The following UNC5D variants were observed in gnomAD, a reference collection of about 807,000 sequenced individuals.
UNC5D encodes the protein unc-5 netrin receptor D.
A neutral mutation model predicts 105.4 loss-of-function variants in UNC5D; 39 were observed. The ratio of observed to expected loss-of-function variants is 0.37; its 90% confidence interval spans 0.29 to 0.48. UNC5D has a LOEUF of 0.48. Ranked by LOEUF, UNC5D falls within the 20% of genes least tolerant of loss-of-function variation. The pLI, the probability that UNC5D is intolerant of heterozygous loss-of-function variation, is 0.98. For synonymous variants in UNC5D, 452 were observed against 450.4 expected, an observed-to-expected ratio of 1.00 and a Z score of -0.04; for missense variants, 991 against 1,202.4, an observed-to-expected ratio of 0.82 and a Z score of 2.60.
At chr8:35,577,639 G>A (rs896471468) in intron 3 of UNC5D, among the ~76,000 whole-genome samples, 4 of 152,208 alleles carry the variant, frequency 2.6e-5, no homozygotes, top group African/African-American at 7.2e-5. Context: ...AAAGACATCT[G>A]TGAAATATGA....
chr8:35,311,380 G>A (rs1808871894), intron 1 of UNC5D, among the ~76,000 whole-genome samples: 1 of 152,154 alleles, frequency 6.6e-6, no homozygotes, highest in African/African-American at 2.4e-5. Flanking sequence ...GTAGTCAAAA[G>A]TTCAGGCTCA....
intron 1 of UNC5D, among the ~76,000 whole-genome samples, chr8:35,297,329 C>T (rs1344149969): frequency 6.6e-6 from 1 of 152,146 alleles, no homozygotes. Context: ...AAAAGCCTTT[C>T]CTATTTTTTC....
At chr8:35,771,860 T>C (rs1802025666) in intron 15 of UNC5D, among the ~76,000 whole-genome samples, 1 of 152,192 alleles carries the variant, frequency 6.6e-6, no homozygotes, top group African/African-American at 2.4e-5. Context: ...GTTTCACCTC[T>C]GTCACAAACT....
intron 1 of UNC5D, among the ~76,000 whole-genome samples, chr8:35,529,952 C>T (rs1484658802): frequency 1.3e-5 from 2 of 151,060 alleles, no homozygotes; most frequent in Non-Finnish European, 3.0e-5. Context: ...TGGGCTGAGA[C>T]AATGGGGTTT....
At chr8:35,348,304 A>G (rs922027379) in intron 1 of UNC5D, among the ~76,000 whole-genome samples, 2 of 151,942 alleles carry the variant, frequency 1.3e-5, no homozygotes, top group Non-Finnish European at 2.9e-5. Context: ...ACAAGTTATG[A>G]ATGCAAGACA....
chr8:35,250,378 A>G (rs1462691327), intron 1 of UNC5D, among the ~76,000 whole-genome samples: 9 of 152,238 alleles, frequency 5.9e-5, no homozygotes, highest in African/African-American at 2.2e-4. Context: ...ATTTCAACTT[A>G]TATTTTAGAT....
At chr8:35,325,922 C>CA (rs1273830666) in intron 1 of UNC5D, among the ~76,000 whole-genome samples, 3 of 152,140 alleles carry the variant, frequency 2.0e-5, no homozygotes, top group African/African-American at 7.2e-5. Flanking sequence ...GGGTATTATG[C>CA]ACAAGTTTAC....
intron 1 of UNC5D, among the ~76,000 whole-genome samples, chr8:35,467,392 G>C (rs998429639): frequency 2.0e-5 from 3 of 152,076 alleles, no homozygotes; most frequent in African/African-American, 7.2e-5. Flanking sequence ...CAAAGTGGGA[G>C]TGGATTGACA....
intron 4 of UNC5D, among the ~76,000 whole-genome samples, chr8:35,614,560 A>G (rs1055691311): frequency 6.6e-6 from 1 of 151,848 alleles, no homozygotes; most frequent in South Asian, 2.1e-4. Flanking sequence ...AAACTAATAC[A>G]CTCTAAAAAA....
chr8:35,377,984 G>A (rs184276105), intron 1 of UNC5D, among the ~76,000 whole-genome samples: 1 of 152,124 alleles, frequency 6.6e-6, no homozygotes, highest in Non-Finnish European at 1.5e-5. Flanking sequence ...GCTTTGTGCT[G>A]TCCTCCCCCT....
intron 1 of UNC5D, among the ~76,000 whole-genome samples, chr8:35,461,288 C>A (rs186086989): frequency 6.6e-6 from 1 of 152,088 alleles, no homozygotes; most frequent in South Asian, 2.1e-4. Flanking sequence ...GAGCTGGGGG[C>A]CTTTTTATGC....
chr8:35,308,114 GTA>G (rs1491056346), intron 1 of UNC5D, among the ~76,000 whole-genome samples: 1,683 of 95,642 alleles, frequency 0.018, 21 homozygotes, highest in African/African-American at 0.057. Context: ...ATGTCACAAT[GTA>G]TGTGTGTGTG....
chr8:35,580,443 A>G (rs1038945465), intron 3 of UNC5D, among the ~76,000 whole-genome samples: 2 of 152,144 alleles, frequency 1.3e-5, no homozygotes, highest in African/African-American at 4.8e-5. Flanking sequence ...TGATGAGGAA[A>G]AAAAACAAAA....
chr8:35,641,366 C>CAAAAAAAAAA (rs377021599), intron 4 of UNC5D, among the ~76,000 whole-genome samples: 27 of 44,268 alleles, frequency 6.1e-4, no homozygotes, highest in Admixed American at 1.3e-3. Flanking sequence ...AAAAATAAAG[C>CAAAAAAAAAA]AAAAAAAAAA....
chr8:35,264,468 C>T (rs1238433486), intron 1 of UNC5D, among the ~76,000 whole-genome samples: 3 of 152,198 alleles, frequency 2.0e-5, no homozygotes, highest in South Asian at 2.1e-4. Flanking sequence ...TGGCTCATGC[C>T]TGTCATTCCA....
chr8:35,752,656 A>T (rs982693611), intron 13 of UNC5D, among the ~76,000 whole-genome samples: 21 of 152,168 alleles, frequency 1.4e-4, no homozygotes, highest in African/African-American at 5.1e-4. Context: ...CCCACCCCAC[A>T]ATAAGAGGAT....
At chr8:35,637,181 A>G (rs1318685540) in intron 4 of UNC5D, among the ~76,000 whole-genome samples, 1 of 152,150 alleles carries the variant, frequency 6.6e-6, no homozygotes. Context: ...TAAAGCCCAT[A>G]AACAGGTTTG....
In UNC5D at chr8:35,484,972, T is replaced by C. The variant is rs536337542; in HGVS notation, c.104-64320T>C. 2.6e-5 allele frequency among the ~76,000 whole-genome samples: 4 copies of C among 152,320 alleles called. No homozygotes were observed. The South Asian group carries it at 6.2e-4, about 24-fold the overall frequency. On this transcript the variant is annotated intron_variant, in intron 1 of 16. Transcript: ENST00000404895. ...CTCAATATTTTAACACACTAATAAA[T>C]ATATTTGCCTTAAGTAAATAGCTTT...
chr8:35,790,615 T>G lies in UNC5D; in HGVS notation c.*52T>G. 6.2e-7 allele frequency: 1 copy of G among 1,601,434 alleles called. No homozygotes were observed. Among genetic ancestry groups the G allele is most frequent in the Non-Finnish European group, 8.5e-7 (1 of 1,171,792 alleles). On this transcript the variant is annotated 3_prime_UTR_variant, in exon 17 of 17. Transcript: ENST00000404895. ...ATGGCCAGCTTGGGGACATTTGCTT[T>G]AAATGGGAAAGAGGCCGCTTTCTGC...
Sources: gnomAD v4.1 joint callset for allele counts (sites outside exome capture counted in the v4.1 genomes callset) on GRCh38, gnomAD v4.1.1 for gene constraint, MANE v1.5 for transcripts, NCBI Gene and HGNC (gene_info 2026-07-23, HGNC 2026-07-21) for gene names.